The following IFT80 variants were observed in gnomAD, a reference collection of about 807,000 sequenced individuals.
The protein encoded by IFT80 is intraflagellar transport 80.
A neutral mutation model predicts 107.9 loss-of-function variants in IFT80; 79 were observed. The ratio of observed to expected loss-of-function variants is 0.73; its 90% CI spans 0.61 to 0.88. The LOEUF is 0.88. Among genes scored for constraint, IFT80 ranks in the 40% least tolerant of loss-of-function variants. IFT80 has a pLI of 0.00. For missense variants in IFT80, 797 were observed against 914.2 expected (o/e 0.87, Z 1.65); for synonymous variants, 299 against 300.9 (o/e 0.99, Z 0.07).
At chr3:160,376,583 G>A (rs1192212144) in intron 4 of IFT80, among the ~76,000 whole-genome samples, 5 of 152,206 alleles carry the variant, frequency 3.3e-5, no homozygotes, top group Non-Finnish European at 5.9e-5. Flanking sequence ...AAGAGGCACA[G>A]TTTAATTTCC....
intron 19 of IFT80, among the ~76,000 whole-genome samples, chr3:160,264,599 CTTTTTTT>C (rs567273435): frequency 1.7e-3 from 207 of 125,256 alleles, no homozygotes; most frequent in Non-Finnish European, 3.0e-3. Context: ...GTCCAGCTAA[CTTTTTTT>C]TTTTTTTTTT....
intron 9 of IFT80, among the ~76,000 whole-genome samples, chr3:160,312,944 A>T (rs569464776): frequency 2.4e-4 from 10 of 42,326 alleles, no homozygotes; most frequent in African/African-American, 2.6e-4. Flanking sequence ...ATATATAATA[A>T]ATATATATTA....
intron 9 of IFT80, among the ~76,000 whole-genome samples, chr3:160,310,975 A>T (rs952306367): frequency 3.3e-5 from 5 of 152,112 alleles, no homozygotes; most frequent in African/African-American, 9.7e-5. Flanking sequence ...AACAAAAAAA[A>T]TTAGCTAGGT....
intron 8 of IFT80, among the ~76,000 whole-genome samples, chr3:160,326,479 G>C (rs1409248118): frequency 6.6e-6 from 1 of 152,054 alleles, no homozygotes; most frequent in East Asian, 1.9e-4. Flanking sequence ...TATCCACCAT[G>C]ATCAAGTAGG....
At chr3:160,358,960 G>A (rs1262185428) in intron 6 of IFT80, among the ~76,000 whole-genome samples, 1 of 152,040 alleles carries the variant, frequency 6.6e-6, no homozygotes, top group Non-Finnish European at 1.5e-5. Flanking sequence ...TTTATTCAAC[G>A]AATAAATAAA....
intron 18 of IFT80, 162 bp from the exon 19 acceptor site, chr3:160,268,698 ATACTTCAGGGCCCAG>A (rs1559910515): frequency 1.5e-6 from 1 of 656,276 alleles, no homozygotes; most frequent in African/African-American, 1.8e-5. Flanking sequence ...TCCTACTTAT[ATACTTCAGGGCCCAG>A]ATCAAACATG....
At chr3:160,301,849 A>T (rs976247966) in intron 11 of IFT80, among the ~76,000 whole-genome samples, 1 of 152,030 alleles carries the variant, frequency 6.6e-6, no homozygotes, top group Non-Finnish European at 1.5e-5. Flanking sequence ...ACTATGGCAA[A>T]GTATGAACTT....
At chr3:160,392,505 C>G (rs895145461) in intron 1 of IFT80, among the ~76,000 whole-genome samples, 1 of 152,196 alleles carries the variant, frequency 6.6e-6, no homozygotes, top group Non-Finnish European at 1.5e-5. Context: ...CACATTCTTA[C>G]CCATCTTGGT....
intron 8 of IFT80, among the ~76,000 whole-genome samples, chr3:160,345,143 T>C (rs191272417): frequency 6.6e-6 from 1 of 152,346 alleles, no homozygotes; most frequent in East Asian, 1.9e-4. Context: ...TCCATGTTTG[T>C]TGCAGCTCTG....
At chr3:160,395,429 T>C (rs76305201) in intron 1 of IFT80, among the ~76,000 whole-genome samples, 5,286 of 152,322 alleles carry the variant, frequency 0.035, 320 homozygotes, top group African/African-American at 0.12. Context: ...ATATAGTCAC[T>C]CTTTTCCCAC....
intron 3 of IFT80, 138 bp from the exon 4 acceptor site, chr3:160,377,678 T>C: frequency 2.0e-6 from 1 of 499,918 alleles, no homozygotes; most frequent in South Asian, 3.5e-5. Flanking sequence ...CATATAAATC[T>C]ATTGGAAAAT....
At chr3:160,340,329 T>C (rs967614762) in intron 8 of IFT80, among the ~76,000 whole-genome samples, 1 of 152,192 alleles carries the variant, frequency 6.6e-6, no homozygotes, top group Non-Finnish European at 1.5e-5. Flanking sequence ...ATATCTGCAG[T>C]GTTCTATTAG....
intron 16 of IFT80, among the ~76,000 whole-genome samples, chr3:160,278,129 C>T (rs966089058): frequency 1.2e-4 from 19 of 152,122 alleles, no homozygotes; most frequent in Middle Eastern, 3.2e-3. Context: ...TGAAAAGCAG[C>T]CCCCAAATCA....
chr3:160,315,750 G>T (rs1717769461), intron 9 of IFT80, among the ~76,000 whole-genome samples: 1 of 152,072 alleles, frequency 6.6e-6, no homozygotes, highest in Non-Finnish European at 1.5e-5. Context: ...GAGGGGAGAA[G>T]AATCAAAATA....
chr3:160,309,699 G>T (rs1717097574), intron 9 of IFT80, among the ~76,000 whole-genome samples: 1 of 151,584 alleles, frequency 6.6e-6, no homozygotes, highest in African/African-American at 2.4e-5. Context: ...AAAAAAAAAT[G>T]CAAGATGCAG....
intron 8 of IFT80, among the ~76,000 whole-genome samples, chr3:160,343,469 C>A (rs1422902418): frequency 6.6e-6 from 1 of 151,916 alleles, no homozygotes; most frequent in African/African-American, 2.4e-5. Flanking sequence ...ATATATTGTA[C>A]AATTTATTTA....
At chr3:160,398,242 G>C (rs1271298974) in intron 1 of IFT80, among the ~76,000 whole-genome samples, 2 of 152,152 alleles carry the variant, frequency 1.3e-5, no homozygotes, top group Admixed American at 6.5e-5. Context: ...TTGGTTGGGA[G>C]GGGGGTGGCT....
chr3:160,304,133 G>T, intron 10 of IFT80, 144 bp from the exon 11 acceptor site: 2 of 654,804 alleles, frequency 3.1e-6, no homozygotes, highest in East Asian at 2.8e-5. Context: ...TTGGTGCATT[G>T]TTCTGAAATT....
chr3:160,355,604 G>GATATAAATTAATT (rs1553763297), intron 8 of IFT80, among the ~76,000 whole-genome samples: 2 of 151,056 alleles, frequency 1.3e-5, no homozygotes, highest in Non-Finnish European at 2.9e-5. Flanking sequence ...AATTTCTTAC[G>GATATAAATTAATT]CAAAATATGC....
Sources: gnomAD v4.1 joint callset for allele counts (sites outside exome capture counted in the v4.1 genomes callset) on GRCh38, gnomAD v4.1.1 for gene constraint, MANE v1.5 for transcripts, NCBI Gene and HGNC (gene_info 2026-07-23, HGNC 2026-07-21) for gene names.